The following SEL1L2 variants were observed in gnomAD, a reference collection of about 807,000 sequenced individuals.
SEL1L2 encodes the protein protein sel-1 homolog 2.
SEL1L2 carries 89 observed loss-of-function variants against 98.8 expected under a neutral mutation model. The ratio of observed to expected loss-of-function variants is 0.90; its 90% confidence interval spans 0.76 to 1.07. SEL1L2 has a LOEUF of 1.07. SEL1L2 is among the 50% of genes least tolerant of loss of function. The probability of loss-of-function intolerance (pLI) is 0.00; values close to 1 mark genes in which losing one functional copy is unlikely to be tolerated. For synonymous variants in SEL1L2, 262 were observed against 278.5 expected, an observed-to-expected ratio of 0.94 and a Z score of 0.59; for missense variants, 788 against 812.0, an observed-to-expected ratio of 0.97 and a Z score of 0.36.
chr20:13,946,419 A>G (rs1196145971), intron 2 of SEL1L2, among the ~76,000 whole-genome samples: 1 of 152,234 alleles, frequency 6.6e-6, no homozygotes, highest in African/African-American at 2.4e-5. Flanking sequence ...GTACTTATAA[A>G]GAAACTTAGT....
intron 2 of SEL1L2, among the ~76,000 whole-genome samples, chr20:13,937,201 G>A (rs1400634418): frequency 6.6e-6 from 1 of 152,214 alleles, no homozygotes; most frequent in Non-Finnish European, 1.5e-5. Flanking sequence ...GACCCACGGT[G>A]ATGGCCCTCC....
chr20:13,896,072 G>A (rs966265640), intron 5 of SEL1L2, among the ~76,000 whole-genome samples: 3 of 152,202 alleles, frequency 2.0e-5, no homozygotes, highest in Non-Finnish European at 4.4e-5. Flanking sequence ...TTATGCGGGA[G>A]GATGAGGCAT....
intron 2 of SEL1L2, among the ~76,000 whole-genome samples, chr20:13,947,582 GAA>G (rs34047712): frequency 0.2 from 30,767 of 152,030 alleles, 3,420 homozygotes; most frequent in African/African-American, 0.29. Context: ...TGGTGGAATT[GAA>G]AGAGCTGTAA....
In SEL1L2 at chr20:13,865,436, T is replaced by C. The variant is rs1211195627; in HGVS notation, c.1483A>G (p.Ile495Val). 1.2e-6 allele frequency: 2 copies of C among 1,614,104 alleles called. No homozygotes were observed. Among genetic ancestry groups the C allele is most frequent in the Non-Finnish European group, 1.7e-6 (2 of 1,179,948 alleles). The change falls in exon 16 of 20, where the codon ATA (isoleucine) becomes GTA (valine). Residue 495 changes from isoleucine to valine, a missense_variant. Physicochemically the swap from Ile to Val is conservative, Grantham distance 29. Transcript: ENST00000284951. ...TAYFAYKDGDIDSSLVQYALL... is the reference protein window; with the variant it reads ...TAYFAYKDGDVDSSLVQYALL... The stretch of plus-strand genomic sequence containing the variant: ...GCATACTGAACAAGAGAAGAATCTA[T>C]ATCACCATCCTTATAGGCAAAGTAA...
At chr20:13,914,668 TA>T (rs917486928) in intron 4 of SEL1L2, among the ~76,000 whole-genome samples, 15 of 152,202 alleles carry the variant, frequency 9.9e-5, no homozygotes, top group African/African-American at 3.6e-4. Context: ...CTGTGGAGAT[TA>T]AATGAGATAA....
chr20:13,976,102 A>G (rs2051521175), intron 1 of SEL1L2, among the ~76,000 whole-genome samples: 2 of 152,084 alleles, frequency 1.3e-5, no homozygotes, highest in African/African-American at 4.8e-5. Flanking sequence ...CCCAGGTTCA[A>G]GCGATTCTCC....
intron 18 of SEL1L2, among the ~76,000 whole-genome samples, chr20:13,854,244 C>T (rs953878419): frequency 6.6e-6 from 1 of 152,130 alleles, no homozygotes; most frequent in African/African-American, 2.4e-5. Context: ...TACATGTTAC[C>T]TAGTAGGTCT....
chr20:13,971,255 T>C (rs1569064623), intron 1 of SEL1L2, among the ~76,000 whole-genome samples: 1 of 152,338 alleles, frequency 6.6e-6, no homozygotes, highest in South Asian at 2.1e-4. Flanking sequence ...CTTTTCACCA[T>C]AGAGGTCTTA....
chr20:13,908,413 C>T (rs931798428), intron 5 of SEL1L2, among the ~76,000 whole-genome samples: 4 of 152,104 alleles, frequency 2.6e-5, no homozygotes, highest in Non-Finnish European at 4.4e-5. Context: ...CGTCAGCCAC[C>T]GTGTCTGGCC....
chr20:13,922,954 A>G (rs1428652679), intron 3 of SEL1L2, among the ~76,000 whole-genome samples: 1 of 152,186 alleles, frequency 6.6e-6, no homozygotes, highest in Non-Finnish European at 1.5e-5. Context: ...TTAGAGCTTT[A>G]TAGGGTGGAT....
intron 9 of SEL1L2, 87 bp downstream of exon 9, chr20:13,886,201 C>T (rs1300869519): frequency 1.5e-5 from 14 of 911,916 alleles, no homozygotes; most frequent in Non-Finnish European, 2.1e-5. Flanking sequence ...TAGGATGGGG[C>T]ATTGTTCATC....
chr20:13,902,732 C>CT (rs2047738348), intron 5 of SEL1L2, among the ~76,000 whole-genome samples: 1 of 152,000 alleles, frequency 6.6e-6, no homozygotes, highest in South Asian at 2.1e-4. Flanking sequence ...CTGGTTTTTT[C>CT]TTTAAAAACA....
Position 13,886,273 on chromosome 20 carries a change from A to G in SEL1L2, c.900+15T>C. ...TTTCATGTTCTAAAAACTCAATCTC[A>G]TCTGTATACATTACTTGTATCTGAA... On this transcript the variant is annotated intron_variant, in intron 9 of 19. Coordinates refer to ENST00000284951, the MANE Select transcript of SEL1L2 (RefSeq NM_025229.2). 6.3e-7 allele frequency: 1 copy of G among 1,583,230 alleles called. No individual in the cohort carries two copies. The highest frequency in any genetic ancestry group is 1.1e-5 in the South Asian group (1 of 88,394).
intron 3 of SEL1L2, among the ~76,000 whole-genome samples, chr20:13,929,455 A>T: frequency 7.0e-6 from 1 of 142,876 alleles, no homozygotes; most frequent in Non-Finnish European, 1.5e-5. Flanking sequence ...CTGGAAAGCC[A>T]GGTGTGTTGG....
intron 1 of SEL1L2, among the ~76,000 whole-genome samples, chr20:13,987,813 C>G (rs1312975002): frequency 2.6e-5 from 4 of 152,092 alleles, no homozygotes; most frequent in African/African-American, 9.7e-5. Flanking sequence ...TTTCTTTGCC[C>G]ATTTTTAAAT....
At chr20:13,857,901 T>C (rs1989417975) in intron 18 of SEL1L2, among the ~76,000 whole-genome samples, 1 of 152,188 alleles carries the variant, frequency 6.6e-6, no homozygotes, top group Admixed American at 6.5e-5. Context: ...ATATCTGTTT[T>C]ACTGAGGTGG....
chr20:13,852,029 G>A (rs988290173), intron 18 of SEL1L2, among the ~76,000 whole-genome samples: 11 of 152,154 alleles, frequency 7.2e-5, no homozygotes, highest in African/African-American at 2.7e-4. Context: ...TTAAATAGAT[G>A]TTGTAAAAAC....
At chr20:13,906,452 C>T (rs1446961145) in intron 5 of SEL1L2, among the ~76,000 whole-genome samples, 1 of 152,096 alleles carries the variant, frequency 6.6e-6, no homozygotes, top group Non-Finnish European at 1.5e-5. Context: ...TTACTTTTAG[C>T]TCAAATTGCA....
chr20:13,860,407 C>T (rs1989917323), intron 17 of SEL1L2, among the ~76,000 whole-genome samples: 1 of 152,178 alleles, frequency 6.6e-6, no homozygotes, highest in Non-Finnish European at 1.5e-5. Context: ...TGGTAGATGA[C>T]CTCCATGCAG....
Sources: gnomAD v4.1 joint callset for allele counts (sites outside exome capture counted in the v4.1 genomes callset) on GRCh38, gnomAD v4.1.1 for gene constraint, MANE v1.5 for transcripts, NCBI Gene and HGNC (gene_info 2026-07-23, HGNC 2026-07-21) for gene names.